The following DGKB variants were observed in gnomAD, a reference collection of about 807,000 sequenced individuals.
DGKB encodes the protein 90 kDa diacylglycerol kinase.
DGKB carries 67 observed loss-of-function variants against 114.3 expected under a neutral mutation model. The ratio of observed to expected loss-of-function variants is 0.59; its 90% CI spans 0.48 to 0.72. The LOEUF is 0.72. Ranked by LOEUF, DGKB falls within the 30% of genes least tolerant of loss-of-function variation. The pLI is 0.00. For synonymous variants in DGKB, 398 were observed against 323.1 expected (o/e 1.23, Z -2.49); for missense variants, 907 against 975.2 (o/e 0.93, Z 0.93).
intron 1 of DGKB, among the ~76,000 whole-genome samples, chr7:14,893,024 G>A (rs1330827998): frequency 6.6e-6 from 1 of 150,870 alleles, no homozygotes; most frequent in Non-Finnish European, 1.5e-5. Flanking sequence ...ACTTTTCGTA[G>A]ATATTTAAAC....
At chr7:14,446,874 C>T (rs1323857437) in intron 21 of DGKB, among the ~76,000 whole-genome samples, 7 of 152,046 alleles carry the variant, frequency 4.6e-5, no homozygotes, top group Admixed American at 2.0e-4. Flanking sequence ...AAGAGAGAGA[C>T]GGTGCCTATG....
intron 14 of DGKB, among the ~76,000 whole-genome samples, chr7:14,627,102 A>G (rs1046778504): frequency 6.6e-6 from 1 of 152,200 alleles, no homozygotes; most frequent in Non-Finnish European, 1.5e-5. Flanking sequence ...AAAAAATTTT[A>G]TTTATTTTAT....
chr7:14,732,118 A>T (rs1831010292), intron 5 of DGKB, among the ~76,000 whole-genome samples: 1 of 152,104 alleles, frequency 6.6e-6, no homozygotes, highest in African/African-American at 2.4e-5. Flanking sequence ...AATTATTTTT[A>T]AATTTTTATT....
chr7:14,660,602 T>C (rs1247441220), intron 13 of DGKB, among the ~76,000 whole-genome samples: 1 of 152,026 alleles, frequency 6.6e-6, no homozygotes, highest in East Asian at 1.9e-4. Context: ...ATTTGATTCT[T>C]CTCTCTTTTT....
chr7:14,555,527 T>C (rs914702564), intron 20 of DGKB, among the ~76,000 whole-genome samples: 12 of 152,326 alleles, frequency 7.9e-5, no homozygotes, highest in African/African-American at 2.6e-4. Context: ...AGACTTGATC[T>C]CTTAATAATA....
intron 1 of DGKB, among the ~76,000 whole-genome samples, chr7:14,898,916 T>C (rs1247621234): frequency 6.6e-6 from 1 of 152,170 alleles, no homozygotes; most frequent in African/African-American, 2.4e-5. Flanking sequence ...AAGTTTACAA[T>C]GCAATACAAA....
intron 13 of DGKB, among the ~76,000 whole-genome samples, chr7:14,651,085 C>G (rs1016525915): frequency 3.3e-5 from 5 of 152,122 alleles, no homozygotes; most frequent in African/African-American, 1.2e-4. Context: ...GGAGCTGGTA[C>G]CATTCCTTCT....
intron 23 of DGKB, among the ~76,000 whole-genome samples, chr7:14,202,314 C>T (rs555369397): frequency 1.3e-5 from 2 of 152,060 alleles, no homozygotes; most frequent in Admixed American, 1.3e-4. Flanking sequence ...AGTAATTCAG[C>T]AGTGTCTAGA....
rs758463183 is a variant in DGKB at position 14,178,165 on chromosome 7, G to C, written c.2123-14C>G. 1.9e-6 allele frequency: 3 copies of C among 1,612,894 alleles called. No individual in the cohort carries two copies. Among genetic ancestry groups the C allele is most frequent in the South Asian group, 1.1e-5 (1 of 91,030 alleles). Reference sequence around the variant, plus strand: ...GGTCACTGAGATCTGAAAGAAAGTAGATGCCTTTTAAGTTGCAATGTGTAT... The same window carrying C: ...GGTCACTGAGATCTGAAAGAAAGTACATGCCTTTTAAGTTGCAATGTGTAT... On this transcript the variant is annotated splice_polypyrimidine_tract_variant and intron_variant, in intron 23 of 25. Coordinates refer to ENST00000402815, the MANE Select transcript of DGKB (RefSeq NM_001350709.2).
intron 17 of DGKB, among the ~76,000 whole-genome samples, chr7:14,588,721 T>C (rs751187912): frequency 7.2e-5 from 11 of 152,144 alleles, no homozygotes; most frequent in Non-Finnish European, 1.5e-4. Context: ...TATTTCCACA[T>C]ATGGGTACAT....
intron 9 of DGKB, among the ~76,000 whole-genome samples, chr7:14,689,602 T>G (rs1380982657): frequency 6.6e-6 from 1 of 152,182 alleles, no homozygotes; most frequent in Non-Finnish European, 1.5e-5. Context: ...TAAGGTCACC[T>G]GTCATTCCTG....
chr7:14,758,042 A>G (rs2128447709), intron 2 of DGKB, among the ~76,000 whole-genome samples: 2 of 152,248 alleles, frequency 1.3e-5, no homozygotes, highest in Middle Eastern at 6.8e-3. Flanking sequence ...GATATTTTTA[A>G]GGAGAATTTT....
intron 21 of DGKB, among the ~76,000 whole-genome samples, chr7:14,394,358 G>A (rs1821905892): frequency 6.6e-6 from 1 of 151,996 alleles, no homozygotes; most frequent in Non-Finnish European, 1.5e-5. Context: ...GTTTTTCTTT[G>A]AATAGATTTA....
chr7:14,594,053 T>G (rs1359799346), intron 17 of DGKB, among the ~76,000 whole-genome samples: 1 of 152,100 alleles, frequency 6.6e-6, no homozygotes, highest in Non-Finnish European at 1.5e-5. Flanking sequence ...TTCTATAGAA[T>G]TAGGTGTTAC....
intron 1 of DGKB, among the ~76,000 whole-genome samples, chr7:14,909,123 C>T (rs1015910494): frequency 3.3e-5 from 5 of 152,228 alleles, no homozygotes; most frequent in South Asian, 4.1e-4. Flanking sequence ...ATGCTTTTAG[C>T]GATGGCTTTC....
At chr7:14,578,468 G>A (rs542941121) in intron 19 of DGKB, among the ~76,000 whole-genome samples, 10 of 152,218 alleles carry the variant, frequency 6.6e-5, no homozygotes, top group South Asian at 2.1e-4. Flanking sequence ...TAATCCCACC[G>A]TAAAGCATAT....
intron 2 of DGKB, chr7:14,815,075 A>G (rs1482530939): frequency 6.6e-6 from 1 of 152,204 alleles, no homozygotes; most frequent in Admixed American, 6.5e-5. Flanking sequence ...GAGGGGTATA[A>G]ACAGGAAATG....
At chr7:14,237,396 T>A (rs1225618716) in intron 23 of DGKB, among the ~76,000 whole-genome samples, 3 of 151,898 alleles carry the variant, frequency 2.0e-5, no homozygotes, top group African/African-American at 2.4e-5. Flanking sequence ...TATTGTCCTT[T>A]ATTCCTTCAA....
At chr7:14,830,226 G>C (rs1011921151) in intron 2 of DGKB, among the ~76,000 whole-genome samples, 6 of 152,020 alleles carry the variant, frequency 3.9e-5, no homozygotes, top group Admixed American at 1.3e-4. Flanking sequence ...TTTTACAGCA[G>C]TCATACCAAA....
Sources: allele counts gnomAD v4.1 joint callset (sites outside exome capture counted in the v4.1 genomes callset), GRCh38; gene constraint gnomAD v4.1.1; transcripts MANE v1.5; gene names NCBI Gene and HGNC (gene_info 2026-07-23, HGNC 2026-07-21).